CUL3: variants seen among roughly 807,000 people sequenced by gnomAD.
CUL3 encodes cullin-3.
In CUL3, 19 loss-of-function variants were observed where a neutral mutation model predicts 89.1. That is an observed-to-expected ratio of 0.21 (90% CI 0.15 to 0.31). The LOEUF (loss-of-function observed/expected upper bound fraction) is 0.31, where lower values mean the gene tolerates loss of function less well. CUL3 is among the 10% of genes least tolerant of loss of function. The probability of loss-of-function intolerance (pLI) is 1.00; values close to 1 mark genes in which losing one functional copy is unlikely to be tolerated. For missense variants in CUL3, 469 were observed against 942.3 expected, an observed-to-expected ratio of 0.50 and a Z score of 6.58; for synonymous variants, 351 against 308.4, an observed-to-expected ratio of 1.14 and a Z score of -1.45.
At chr2:224,518,870 T>TTAC (rs1208568384) in intron 3 of CUL3, among the ~76,000 whole-genome samples, 1 of 152,218 alleles carries the variant, frequency 6.6e-6, no homozygotes, top group Non-Finnish European at 1.5e-5. Context: ...AGCATAGTGA[T>TTAC]GGTATCGCTA....
intron 13 of CUL3, among the ~76,000 whole-genome samples, chr2:224,491,190 T>C (rs1439237715): frequency 6.6e-6 from 1 of 152,174 alleles, no homozygotes; most frequent in Non-Finnish European, 1.5e-5. Flanking sequence ...GGACATTTCA[T>C]TTCAGATTTC....
chr2:224,542,920 C>G (rs1199087436), intron 2 of CUL3, among the ~76,000 whole-genome samples: 1 of 152,102 alleles, frequency 6.6e-6, no homozygotes, highest in Non-Finnish European at 1.5e-5. Context: ...CATGGATTGA[C>G]AAGGAAGCAA....
chr2:224,514,677 C>A lies in CUL3; in HGVS notation c.474G>T (p.Arg158Ser). 1 of 1,613,534 alleles carries A rather than the reference C, an allele frequency of 6.2e-7. No individual in the cohort carries two copies. The highest frequency in any genetic ancestry group is 8.5e-7 in the Non-Finnish European group (1 of 1,179,628). Reference sequence around the variant, plus strand: ...CCAATAGAGTTTGCCGTAGATGATCCCTAATACACCCATAACGTACAACTT... The same window carrying A: ...CCAATAGAGTTTGCCGTAGATGATCACTAATACACCCATAACGTACAACTT... ...RDQVVRYGCIRDHLRQTLLDM... is the reference protein window; with the variant it reads ...RDQVVRYGCISDHLRQTLLDM... Residue 158 changes from arginine (R) to serine (S), a missense_variant, in exon 4 of 16, where the codon AGG (arginine) becomes AGT (serine). Physicochemically the swap from Arg to Ser is moderately radical, Grantham distance 110 (BLOSUM62 -1). Transcript: ENST00000264414.
chr2:224,499,614 A>G (rs1574630922), intron 11 of CUL3: 1 of 206,534 alleles, frequency 4.8e-6, no homozygotes, highest in Admixed American at 4.7e-5. Flanking sequence ...ACTAATCTAC[A>G]CCATGCTGAA....
chr2:224,511,661 T>C, intron 5 of CUL3, 79 bp from the exon 6 acceptor site: 1 of 739,726 alleles, frequency 1.4e-6, no homozygotes, highest in Non-Finnish European at 2.1e-6. Context: ...TCTACAGTGT[T>C]TATAATAAAT....
intron 2 of CUL3, among the ~76,000 whole-genome samples, chr2:224,547,172 G>A (rs1302960308): frequency 6.6e-6 from 1 of 152,058 alleles, no homozygotes; most frequent in Non-Finnish European, 1.5e-5. Context: ...ACTGCAGTCA[G>A]CCTTTCTAAG....
chr2:224,486,996 A>G (rs746836994), intron 13 of CUL3, among the ~76,000 whole-genome samples: 7 of 152,180 alleles, frequency 4.6e-5, no homozygotes, highest in Non-Finnish European at 1.0e-4. Flanking sequence ...TTCAACCCAG[A>G]ATATCATATC....
chr2:224,574,782 C>T (rs557120976), intron 1 of CUL3, among the ~76,000 whole-genome samples: 13 of 152,296 alleles, frequency 8.5e-5, no homozygotes, highest in South Asian at 2.1e-4. Flanking sequence ...TTCATTTAAT[C>T]CTCACAATTT....
At chr2:224,583,436 T>C (rs540524166) in intron 1 of CUL3, among the ~76,000 whole-genome samples, 29 of 152,342 alleles carry the variant, frequency 1.9e-4, no homozygotes, top group African/African-American at 7.0e-4. Flanking sequence ...TCTAAAGTGG[T>C]CAGAATTTAG....
At chr2:224,569,691 A>T in intron 1 of CUL3, 1 of 1,192,918 alleles carries the variant, frequency 8.4e-7, no homozygotes, top group Non-Finnish European at 1.1e-6. Flanking sequence ...ATACTTACAC[A>T]TCTTGAAGGT....
At chr2:224,557,303 T>A (rs1694743272) in intron 2 of CUL3, among the ~76,000 whole-genome samples, 1 of 152,132 alleles carries the variant, frequency 6.6e-6, no homozygotes, top group Non-Finnish European at 1.5e-5. Flanking sequence ...CGTAGTTTTA[T>A]TGTTTTCAAA....
chr2:224,519,784 C>T (rs1448790664), intron 3 of CUL3, among the ~76,000 whole-genome samples: 3 of 151,992 alleles, frequency 2.0e-5, no homozygotes, highest in African/African-American at 7.2e-5. Context: ...TTGTGATATG[C>T]ACATGATATG....
At chr2:224,498,090 A>G (rs567683587) in intron 11 of CUL3, among the ~76,000 whole-genome samples, 2 of 152,268 alleles carry the variant, frequency 1.3e-5, no homozygotes, top group Non-Finnish European at 2.9e-5. Context: ...AATAATTTCT[A>G]CTGTACACTC....
At chr2:224,507,029 C>T (rs2106206749) in intron 6 of CUL3, 26 bp from the exon 7 acceptor site, 1 of 1,600,602 alleles carries the variant, frequency 6.2e-7, no homozygotes, top group South Asian at 1.1e-5. Context: ...CACAAATTGG[C>T]TACATTAAAG....
intron 3 of CUL3, among the ~76,000 whole-genome samples, chr2:224,534,756 G>A (rs1693820629): frequency 6.6e-6 from 1 of 152,054 alleles, no homozygotes; most frequent in African/African-American, 2.4e-5. Flanking sequence ...GCCGAGGTGG[G>A]CAGATCACCA....
intron 1 of CUL3, among the ~76,000 whole-genome samples, chr2:224,583,632 C>T (rs1431838168): frequency 6.6e-6 from 1 of 152,168 alleles, no homozygotes; most frequent in Non-Finnish European, 1.5e-5. Flanking sequence ...TTCCATCGTA[C>T]CTATTTACAC....
At chr2:224,568,573 TAATC>T (rs1013627973) in intron 1 of CUL3, among the ~76,000 whole-genome samples, 1 of 152,214 alleles carries the variant, frequency 6.6e-6, no homozygotes, top group Non-Finnish European at 1.5e-5. Context: ...AATTTTTAAA[TAATC>T]AAATCTTTTT....
intron 2 of CUL3, among the ~76,000 whole-genome samples, chr2:224,554,622 CA>C (rs1372594373): frequency 6.6e-6 from 1 of 152,128 alleles, no homozygotes. Context: ...GTAAAACAGA[CA>C]TAATAGTAGT....
At chr2:224,518,927 C>T (rs769664079) in intron 3 of CUL3, among the ~76,000 whole-genome samples, 14 of 152,216 alleles carry the variant, frequency 9.2e-5, no homozygotes, top group African/African-American at 3.4e-4. Flanking sequence ...TGTCTGCTAT[C>T]TTAAGCCCTC....
Sources: gnomAD v4.1 joint callset for allele counts (sites outside exome capture counted in the v4.1 genomes callset) on GRCh38, gnomAD v4.1.1 for gene constraint, MANE v1.5 for transcripts, NCBI Gene and HGNC (gene_info 2026-07-23, HGNC 2026-07-21) for gene names.